The following FRMD4B variants were observed in gnomAD, a reference collection of about 807,000 sequenced individuals.
FRMD4B encodes the protein FERM domain containing 4B.
In FRMD4B, 74 loss-of-function variants were observed where a neutral mutation model predicts 141.5. The observed-to-expected ratio is 0.52, with a 90% confidence interval of 0.43 to 0.63. The LOEUF (loss-of-function observed/expected upper bound fraction) is 0.63. Among genes scored for constraint, FRMD4B ranks in the 30% least tolerant of loss-of-function variants. FRMD4B has a pLI of 0.00. For missense variants in FRMD4B, 1,366 were observed against 1,253.4 expected (o/e 1.09, Z -1.36); for synonymous variants, 506 against 467.9 (o/e 1.08, Z -1.05).
intron 1 of FRMD4B, among the ~76,000 whole-genome samples, chr3:69,435,036 T>G (rs541314450): frequency 6.6e-6 from 1 of 152,264 alleles, no homozygotes; most frequent in South Asian, 2.1e-4. Flanking sequence ...TTTCTTCTTA[T>G]AAAGACACCA....
chr3:69,517,411 TA>T (rs1700780295), intron 1 of FRMD4B, among the ~76,000 whole-genome samples: 1 of 151,150 alleles, frequency 6.6e-6, no homozygotes, highest in Non-Finnish European at 1.5e-5. Context: ...ATAGACATCA[TA>T]AAGATTAAGA....
intron 1 of FRMD4B, among the ~76,000 whole-genome samples, chr3:69,347,030 G>T (rs933288087): frequency 6.6e-6 from 1 of 152,210 alleles, no homozygotes; most frequent in Non-Finnish European, 1.5e-5. Context: ...AAAAGATGTA[G>T]ACTGGCAAAT....
intron 21 of FRMD4B, among the ~76,000 whole-genome samples, chr3:69,180,502 A>G (rs2092694244): frequency 6.6e-6 from 1 of 152,170 alleles, no homozygotes; most frequent in Non-Finnish European, 1.5e-5. Flanking sequence ...AACACATTTA[A>G]GAGATGTGCC....
intron 3 of FRMD4B, among the ~76,000 whole-genome samples, chr3:69,304,953 G>A (rs1046676541): frequency 6.6e-6 from 1 of 152,096 alleles, no homozygotes; most frequent in Non-Finnish European, 1.5e-5. Context: ...GGAAAAATGA[G>A]CATAAATAAT....
intron 7 of FRMD4B, among the ~76,000 whole-genome samples, chr3:69,247,699 A>T (rs1296669050): frequency 6.6e-6 from 1 of 152,098 alleles, no homozygotes; most frequent in Non-Finnish European, 1.5e-5. Context: ...CCCAGGCCGG[A>T]CTGCAGTGGC....
At chr3:69,182,504 G>A (rs2092717990) in intron 20 of FRMD4B, 94 bp downstream of exon 20, 3 of 1,205,104 alleles carry the variant, frequency 2.5e-6, no homozygotes, top group Non-Finnish European at 3.4e-6. Context: ...GCTACAGAAA[G>A]TCACTTGAAA....
intron 16 of FRMD4B, among the ~76,000 whole-genome samples, chr3:69,194,403 A>C (rs981529896): frequency 5.9e-5 from 9 of 152,218 alleles, no homozygotes; most frequent in African/African-American, 2.2e-4. Context: ...CACAGTGAGC[A>C]CTCAGTAAAT....
upstream of FRMD4B, among the ~76,000 whole-genome samples, chr3:69,386,864 G>A (rs1046969134): frequency 1.3e-5 from 2 of 152,158 alleles, no homozygotes; most frequent in African/African-American, 4.8e-5. Context: ...GCCGTTACTA[G>A]TGCTGGGAAA....
chr3:69,322,542 T>C (rs184978323), intron 1 of FRMD4B, among the ~76,000 whole-genome samples: 1 of 152,240 alleles, frequency 6.6e-6, no homozygotes, highest in Admixed American at 6.5e-5. Context: ...ACTTCTTTCA[T>C]GTTGCTAACA....
intron 1 of FRMD4B, among the ~76,000 whole-genome samples, chr3:69,522,491 C>T (rs1700868518): frequency 6.6e-6 from 1 of 152,138 alleles, no homozygotes; most frequent in South Asian, 2.1e-4. Context: ...CCCCATACTC[C>T]AGCAAGAGAG....
At chr3:69,387,385 A>G (rs986803740), upstream of FRMD4B, among the ~76,000 whole-genome samples, 15 of 152,140 alleles carry the variant, frequency 9.9e-5, no homozygotes, top group Admixed American at 5.2e-4. Flanking sequence ...CCAAAGTGCT[A>G]GCGTTACAGA....
intron 1 of FRMD4B, among the ~76,000 whole-genome samples, chr3:69,455,660 T>G (rs1000776269): frequency 5.9e-5 from 9 of 152,194 alleles, no homozygotes; most frequent in African/African-American, 1.7e-4. Flanking sequence ...TTGAAGTCAG[T>G]GAGACCAAAA....
intron 4 of FRMD4B, among the ~76,000 whole-genome samples, chr3:69,290,308 G>A (rs1470057409): frequency 6.6e-6 from 1 of 152,158 alleles, no homozygotes; most frequent in African/African-American, 2.4e-5. Flanking sequence ...ATTCAGTGGA[G>A]GCAGAGAAAG....
At chr3:69,252,417 A>G (rs573799210) in intron 5 of FRMD4B, among the ~76,000 whole-genome samples, 1 of 152,284 alleles carries the variant, frequency 6.6e-6, no homozygotes, top group Admixed American at 6.5e-5. Flanking sequence ...AGTGGGCTCT[A>G]GCAAAATCTT....
intron 1 of FRMD4B, among the ~76,000 whole-genome samples, chr3:69,381,511 A>C (rs1320473222): frequency 6.6e-6 from 1 of 152,190 alleles, no homozygotes; most frequent in East Asian, 1.9e-4. Context: ...AGCAAGAAAA[A>C]TGACACCTTT....
chr3:69,412,522 C>T (rs1704776487), intron 2 of FRMD4B, among the ~76,000 whole-genome samples: 1 of 152,120 alleles, frequency 6.6e-6, no homozygotes, highest in African/African-American at 2.4e-5. Context: ...TTCAAGTATC[C>T]AAGGGAAGTA....
intron 1 of FRMD4B, among the ~76,000 whole-genome samples, chr3:69,335,372 A>ATT (rs35424718): frequency 1.3e-3 from 169 of 133,796 alleles, no homozygotes; most frequent in Middle Eastern, 7.8e-3. Context: ...TCATTATTGC[A>ATT]TTTTTTTTTT....
chr3:69,369,352 G>T, intron 1 of FRMD4B, among the ~76,000 whole-genome samples: 1 of 152,010 alleles, frequency 6.6e-6, no homozygotes, highest in South Asian at 2.1e-4. Context: ...CAAAGAAAAG[G>T]CCAGGAGAAA....
intron 18 of FRMD4B, among the ~76,000 whole-genome samples, chr3:69,188,120 C>T (rs576128268): frequency 1.3e-5 from 2 of 152,118 alleles, no homozygotes; most frequent in African/African-American, 2.4e-5. Context: ...ATACTGAACA[C>T]TCTTCTGGGA....
Sources: allele counts gnomAD v4.1 joint callset (sites outside exome capture counted in the v4.1 genomes callset), GRCh38; gene constraint gnomAD v4.1.1; transcripts MANE v1.5; gene names NCBI Gene and HGNC (gene_info 2026-07-23, HGNC 2026-07-21).